Variants in ADCY2 observed in about 807,000 individuals in gnomAD.
The protein encoded by ADCY2 is adenylate cyclase 2, also known as adenylate cyclase type 2.
Under a neutral mutation model 125.2 loss-of-function variants are expected in ADCY2, and 31 were observed. The observed-to-expected ratio is 0.25, with a 90% CI of 0.19 to 0.33. ADCY2 has a LOEUF of 0.33. ADCY2 is among the 10% of genes least tolerant of loss of function. The pLI is 1.00. For missense variants in ADCY2, 904 were observed against 1,418.2 expected, an observed-to-expected ratio of 0.64 and a Z score of 5.82; for synonymous variants, 512 against 548.4, an observed-to-expected ratio of 0.93 and a Z score of 0.93.
intron 3 of ADCY2, among the ~76,000 whole-genome samples, chr5:7,578,573 A>G (rs527569545): frequency 9.2e-5 from 14 of 152,068 alleles, no homozygotes; most frequent in African/African-American, 3.4e-4. Flanking sequence ...TTTTGCAATA[A>G]ATTTTCTGTT....
At chr5:7,599,861 G>A (rs1157458550) in intron 3 of ADCY2, among the ~76,000 whole-genome samples, 1 of 152,174 alleles carries the variant, frequency 6.6e-6, no homozygotes, top group African/African-American at 2.4e-5. Flanking sequence ...CAGGAACAAT[G>A]TATATAAAGG....
At chr5:7,767,423 A>G (rs1279810769) in intron 17 of ADCY2, among the ~76,000 whole-genome samples, 1 of 152,006 alleles carries the variant, frequency 6.6e-6, no homozygotes, top group African/African-American at 2.4e-5. Context: ...AAAAAAAAAA[A>G]GTTTTGCTAC....
At chr5:7,698,459 T>C in intron 7 of ADCY2, 85 bp downstream of exon 7, 2 of 1,419,632 alleles carry the variant, frequency 1.4e-6, no homozygotes, top group Non-Finnish European at 2.0e-6. Flanking sequence ...GTTACATAGG[T>C]ATACATGTAC....
At chr5:7,602,087 A>T (rs569289055) in intron 3 of ADCY2, among the ~76,000 whole-genome samples, 2 of 152,286 alleles carry the variant, frequency 1.3e-5, no homozygotes, top group East Asian at 3.9e-4. Flanking sequence ...TTCTCTTCTT[A>T]GAAGGACATT....
At chr5:7,594,754 A>G (rs1388754503) in intron 3 of ADCY2, among the ~76,000 whole-genome samples, 1 of 152,214 alleles carries the variant, frequency 6.6e-6, no homozygotes, top group African/African-American at 2.4e-5. Flanking sequence ...AGGATTTTCT[A>G]TATTTGGGAA....
chr5:7,457,933 A>C (rs1006895736), intron 2 of ADCY2, among the ~76,000 whole-genome samples: 3 of 152,220 alleles, frequency 2.0e-5, no homozygotes, highest in African/African-American at 7.2e-5. Flanking sequence ...GACACAAAAA[A>C]AGTAGAATCC....
chr5:7,698,411 T>G, intron 7 of ADCY2, 37 bp downstream of exon 7: 6 of 1,611,914 alleles, frequency 3.7e-6, no homozygotes, highest in Non-Finnish European at 5.1e-6. Context: ...TGTTATATGC[T>G]TTAAGTTCTG....
chr5:7,634,795 G>A (rs745989815), intron 4 of ADCY2, among the ~76,000 whole-genome samples: 27 of 151,590 alleles, frequency 1.8e-4, no homozygotes, highest in Admixed American at 2.6e-4. Flanking sequence ...TTCTCTTTGC[G>A]CTTAAATTCT....
At chr5:7,656,953 A>G (rs1426802100) in intron 4 of ADCY2, among the ~76,000 whole-genome samples, 1 of 152,228 alleles carries the variant, frequency 6.6e-6, no homozygotes, top group Non-Finnish European at 1.5e-5. Flanking sequence ...ATGATACCAC[A>G]AGTGGAAAAT....
rs78460373 is a variant in ADCY2, at chr5:7,705,917, A to G, written c.1110-827A>G. Among the ~76,000 whole-genome samples, 302 of 152,294 alleles carry G rather than the reference A, an allele frequency of 2.0e-3. 4 individuals carry two copies. The highest frequency in any genetic ancestry group is 6.8e-3 in the African/African-American group (283 of 41,562). ...ACATACATGCCTATGCCATTTTGAG[A>G]TGTTAATGATTCATTTCACTACAAT... On this transcript the variant is annotated intron_variant, in intron 7 of 24. Transcript: ENST00000338316.
rs1741618627 is a variant in ADCY2, at chr5:7,455,051, T to G, written c.408+40281T>G. Among the ~76,000 whole-genome samples, 6 of 152,182 alleles carry G rather than the reference T, an allele frequency of 3.9e-5. No individual in the cohort carries two copies. In the South Asian group the frequency reaches 1.2e-3, roughly 32 times the overall value. On this transcript the variant is annotated intron_variant, in intron 2 of 24. Coordinates refer to ENST00000338316, the MANE Select transcript of ADCY2 (RefSeq NM_020546.3). ...GCTATAGAGTAGACATCTAACAGCT[T>G]TGCCAGAACTTTCCACATTCTATAC... is the stretch of plus-strand genomic sequence containing the variant.
intron 15 of ADCY2, among the ~76,000 whole-genome samples, chr5:7,755,334 C>A (rs1039734196): frequency 1.3e-5 from 2 of 151,988 alleles, no homozygotes; most frequent in Non-Finnish European, 2.9e-5. Flanking sequence ...CCTGGTCCTG[C>A]GTCTCCCTCA....
At chr5:7,713,171 G>GT (rs1390345596) in intron 11 of ADCY2, among the ~76,000 whole-genome samples, 2 of 151,628 alleles carry the variant, frequency 1.3e-5, no homozygotes, top group African/African-American at 4.8e-5. Flanking sequence ...TTAATGTGTG[G>GT]TAAAAAAAAA....
intron 2 of ADCY2, among the ~76,000 whole-genome samples, chr5:7,479,102 TA>T (rs957609487): frequency 1.3e-5 from 2 of 152,170 alleles, no homozygotes; most frequent in Non-Finnish European, 2.9e-5. Flanking sequence ...CCTTGGAATC[TA>T]AAGTAGATTA....
chr5:7,797,339 G>A (rs59061480), intron 20 of ADCY2: 3,400 of 152,446 alleles, frequency 0.022, 136 homozygotes, highest in African/African-American at 0.078. Flanking sequence ...TCTGGTCTGG[G>A]AGGTGGGAGA....
intron 3 of ADCY2, among the ~76,000 whole-genome samples, chr5:7,600,555 G>A (rs950928985): frequency 1.3e-5 from 2 of 152,204 alleles, no homozygotes; most frequent in Non-Finnish European, 2.9e-5. Context: ...GAGGAAGGCT[G>A]TACTTAGTGA....
intron 2 of ADCY2, among the ~76,000 whole-genome samples, chr5:7,520,187 T>C (rs765946230): frequency 6.6e-6 from 1 of 152,208 alleles, no homozygotes; most frequent in Non-Finnish European, 1.5e-5. Context: ...AACTGCTGTG[T>C]ATGTTTAACT....
intron 2 of ADCY2, among the ~76,000 whole-genome samples, chr5:7,438,372 A>G (rs1328105921): frequency 6.6e-6 from 1 of 152,258 alleles, no homozygotes; most frequent in Non-Finnish European, 1.5e-5. Context: ...AGAAGGAGCA[A>G]ACATAACATG....
intron 3 of ADCY2, among the ~76,000 whole-genome samples, chr5:7,578,605 G>A (rs1736327847): frequency 1.3e-5 from 2 of 152,130 alleles, no homozygotes; most frequent in African/African-American, 4.8e-5. Context: ...TATCTGTGAA[G>A]AAATAAAATA....
Sources: gnomAD v4.1 joint callset for allele counts (sites outside exome capture counted in the v4.1 genomes callset) on GRCh38, gnomAD v4.1.1 for gene constraint, MANE v1.5 for transcripts, NCBI Gene and HGNC (gene_info 2026-07-23, HGNC 2026-07-21) for gene names.